The following PCDHGB1 variants were observed in gnomAD, a reference collection of about 807,000 sequenced individuals.
PCDHGB1 encodes the protein protocadherin gamma-B1.
PCDHGB1 carries 34 observed loss-of-function variants against 56.6 expected under a neutral mutation model. That is an observed-to-expected ratio of 0.60 (90% CI 0.46 to 0.80). The LOEUF (loss-of-function observed/expected upper bound fraction) is 0.80, where lower values mean the gene tolerates loss of function less well. PCDHGB1 is among the 30% of genes least tolerant of loss of function. PCDHGB1 has a pLI of 0.00. For synonymous variants in PCDHGB1, 561 were observed against 505.9 expected (o/e 1.11, Z -1.46); for missense variants, 1,278 against 1,204.6 (o/e 1.06, Z -0.90).
At position 141,431,590 on chromosome 5, in the gene PCDHGB1, G is replaced by A; in HGVS notation, c.2410-63217G>A. On this transcript the variant is annotated intron_variant, in intron 1 of 3. Transcript: ENST00000523390. The surrounding 1 kb of genome is among the most constrained non-coding windows in gnomAD (Gnocchi z 4.8). ...CTGACGAAGGAGTCAATGCGGAAGT[G>A]AGGTATTCCTTCCGGTATGTGGACG... 1.2e-6 allele frequency: 2 copies of A among 1,614,240 alleles called. No homozygotes were observed. Among genetic ancestry groups the A allele is most frequent in the South Asian group, 1.1e-5 (1 of 91,090 alleles).
In PCDHGB1 at chr5:141,485,869, G is replaced by A; in HGVS notation, c.2410-8938G>A. On this transcript the variant is annotated intron_variant, in intron 1 of 3. Coordinates refer to ENST00000523390, the MANE Select transcript of PCDHGB1 (RefSeq NM_018922.3). The surrounding 1 kb of genome is among the most constrained non-coding windows in gnomAD (Gnocchi z 5.7). ...GCACCGCAGAGCTCCGGGTATCCGT[G>A]CTGGACGTAAACGACAACGCCCCAG... is the stretch of plus-strand genomic sequence containing the variant. 1 of 1,614,176 alleles carries A rather than the reference G, an allele frequency of 6.2e-7. No individual in the cohort carries two copies. The highest frequency in any genetic ancestry group is 8.5e-7 in the Non-Finnish European group (1 of 1,180,040).
chr5:141,360,352 G>T (rs1361866062), intron 1 of PCDHGB1: 1 of 1,613,894 alleles, frequency 6.2e-7, no homozygotes, highest in Admixed American at 1.7e-5. Context: ...CGCGGAGAAG[G>T]AATATTTCAC....
intron 1 of PCDHGB1, chr5:141,376,589 C>G: frequency 6.4e-7 from 1 of 1,568,198 alleles, no homozygotes; most frequent in Non-Finnish European, 8.7e-7. Flanking sequence ...TCAGCTAGAT[C>G]GGCTGTTATA....
intron 1 of PCDHGB1, chr5:141,376,039 C>T (rs1772194852): frequency 7.4e-6 from 12 of 1,613,226 alleles, no homozygotes; most frequent in Non-Finnish European, 1.0e-5. Context: ...ACGGCCAGCC[C>T]CCTCTCTCCG....
chr5:141,451,521 T>A (rs1164313767), intron 1 of PCDHGB1, among the ~76,000 whole-genome samples: 2 of 152,148 alleles, frequency 1.3e-5, no homozygotes, highest in African/African-American at 4.8e-5. Flanking sequence ...TTAGAGCAAG[T>A]AAAGGAGAGT....
At chr5:141,393,284 T>C (rs1462333832) in intron 1 of PCDHGB1, 10 of 1,613,870 alleles carry the variant, frequency 6.2e-6, no homozygotes, top group African/African-American at 2.7e-5. Flanking sequence ...TCCCAGAAGC[T>C]GTTGACCCGG....
intron 1 of PCDHGB1, chr5:141,419,006 A>T: frequency 6.2e-7 from 1 of 1,614,006 alleles, no homozygotes. Context: ...TGGGGAAGTC[A>T]GGTGTAGCTT....
chr5:141,389,494 C>T (rs1300548775), intron 1 of PCDHGB1: 2 of 1,613,058 alleles, frequency 1.2e-6, no homozygotes, highest in East Asian at 2.2e-5. Context: ...GACCAGGGCT[C>T]GCCAGCGCTC....
At chr5:141,390,096 C>G in intron 1 of PCDHGB1, 1 of 1,614,030 alleles carries the variant, frequency 6.2e-7, no homozygotes, top group Non-Finnish European at 8.5e-7. Context: ...ATCCGTGGTT[C>G]CCCCCAACTA....
At chr5:141,368,561 T>G (rs1765726428) in intron 1 of PCDHGB1, among the ~76,000 whole-genome samples, 2 of 152,184 alleles carry the variant, frequency 1.3e-5, no homozygotes, top group Non-Finnish European at 2.9e-5. Context: ...AAGAAAATGT[T>G]ATATGCTTCT....
intron 1 of PCDHGB1, chr5:141,385,652 G>T: frequency 1.5e-6 from 1 of 651,480 alleles, no homozygotes; most frequent in South Asian, 5.5e-5. Context: ...ATTGCACAAG[G>T]TTAGCAGGAA....
chr5:141,432,335 C>T lies in PCDHGB1; in HGVS notation c.2410-62472C>T, dbSNP rs146691720. On this transcript the variant is annotated intron_variant, in intron 1 of 3. Coordinates refer to ENST00000523390, the MANE Select transcript of PCDHGB1 (RefSeq NM_018922.3). This position sits in a 1 kb window ranked among gnomAD's most constrained non-coding sequence, Gnocchi z 6.0. ...GAGCTCCTTCGACTACGAGCAGTTC[C>T]GAGACTTGCAAGTGAAAGTGATGGC... 2.6e-5 allele frequency: 42 copies of T among 1,614,126 alleles called. No individual in the cohort carries two copies. Among genetic ancestry groups the T allele is most frequent in the African/African-American group, 1.2e-4 (9 of 74,940 alleles).
chr5:141,384,259 C>T, intron 1 of PCDHGB1: 2 of 1,613,886 alleles, frequency 1.2e-6, no homozygotes, highest in African/African-American at 1.3e-5. Flanking sequence ...CACCTTCCCC[C>T]ACTCATCCTA....
intron 1 of PCDHGB1, chr5:141,423,658 CA>C: frequency 6.4e-7 from 1 of 1,571,150 alleles, no homozygotes; most frequent in Non-Finnish European, 8.6e-7. Flanking sequence ...GACAAGTAAT[CA>C]GGTGAGATTT....
intron 1 of PCDHGB1, among the ~76,000 whole-genome samples, chr5:141,462,337 T>C (rs1053544147): frequency 6.6e-6 from 1 of 152,260 alleles, no homozygotes; most frequent in Non-Finnish European, 1.5e-5. Context: ...TTAATTGTAT[T>C]GTGATCCAAA....
intron 1 of PCDHGB1, chr5:141,374,270 G>A (rs377535875): frequency 1.2e-6 from 2 of 1,613,872 alleles, no homozygotes; most frequent in African/African-American, 1.3e-5. Context: ...GGCGGAGCAC[G>A]GAGTCCGCAT....
At chr5:141,402,335 G>A (rs1157845729) in intron 1 of PCDHGB1, among the ~76,000 whole-genome samples, 1 of 151,508 alleles carries the variant, frequency 6.6e-6, no homozygotes, top group Non-Finnish European at 1.5e-5. Context: ...CAAATATATA[G>A]GTATAAAAAT....
chr5:141,489,893 G>A lies in PCDHGB1; in HGVS notation c.2410-4914G>A. ...CTGGTGCTTACTGCTGTGGATGGGG[G>A]GACCCCAGCCCGCTCAGGGACCACC... On this transcript the variant is annotated intron_variant, in intron 1 of 3. Transcript: ENST00000523390. This position sits in a 1 kb window ranked among gnomAD's most constrained non-coding sequence, Gnocchi z 4.5. 6.2e-7 allele frequency: 1 copy of A among 1,614,190 alleles called. No individual in the cohort carries two copies. Among genetic ancestry groups the A allele is most frequent in the South Asian group, 1.1e-5 (1 of 91,084 alleles).
chr5:141,418,372 A>T (rs771262387), intron 1 of PCDHGB1: 25 of 1,613,968 alleles, frequency 1.5e-5, no homozygotes, highest in Non-Finnish European at 2.1e-5. Flanking sequence ...GCAAATACCA[A>T]CTAAGTCCTA....
Sources: gnomAD v4.1 joint callset for allele counts (sites outside exome capture counted in the v4.1 genomes callset) on GRCh38, gnomAD v4.1.1 for gene constraint, Gnocchi (gnomAD v3.1) non-coding constraint, MANE v1.5 for transcripts, NCBI Gene and HGNC (gene_info 2026-07-23, HGNC 2026-07-21) for gene names.